The following STAG2 variants were observed in gnomAD, a reference collection of about 807,000 sequenced individuals.
STAG2 encodes STAG2 cohesin complex component.
STAG2 carries 14 observed loss-of-function variants against 108.1 expected under a neutral mutation model. The observed-to-expected ratio is 0.13, with a 90% CI of 0.09 to 0.20. STAG2 has a LOEUF of 0.20. Among genes scored for constraint, STAG2 ranks in the 10% least tolerant of loss-of-function variants. The pLI, the probability that STAG2 is intolerant of heterozygous loss-of-function variation, is 1.00. For synonymous variants in STAG2, 307 were observed against 302.7 expected (o/e 1.01, Z -0.15); for missense variants, 440 against 940.9 (o/e 0.47, Z 6.96).
rs56052834 is a variant in STAG2 at position 124,028,794 on chromosome X, T to TTA, written c.124-2139_124-2138dup. ...ACTGTCCAGGAGCTCTAAGAATAGT[T>TTA]TATATATATATATATATATATATAT... On this transcript the variant is annotated intron_variant, in intron 4 of 34. Coordinates refer to ENST00000371145, the MANE Select transcript of STAG2 (RefSeq NM_001042750.2). 3.1e-3 allele frequency among the ~76,000 whole-genome samples: 231 copies of TTA among 75,026 alleles called. 4 individuals carry two copies. The highest frequency in any genetic ancestry group is 0.012 in the African/African-American group (203 of 17,102). 65.2% of individuals were successfully genotyped at this position (75,026 alleles called of 115,157 possible).
At chrX:124,016,677 A>G (rs2056742493) in intron 1 of STAG2, among the ~76,000 whole-genome samples, 1 of 111,434 alleles carries the variant, frequency 9.0e-6, no homozygotes, top group African/African-American at 3.3e-5. Flanking sequence ...TTAAAATTAT[A>G]TGTACCTGTC....
At chrX:124,026,399 TA>T (rs2057106202) in intron 4 of STAG2, among the ~76,000 whole-genome samples, 1 of 111,464 alleles carries the variant, frequency 9.0e-6, no homozygotes, top group Non-Finnish European at 1.9e-5. Flanking sequence ...ATTACAAAGT[TA>T]AGTTCTGAGT....
intron 1 of STAG2, among the ~76,000 whole-genome samples, chrX:124,010,156 T>C (rs1471570260): frequency 9.0e-6 from 1 of 111,585 alleles, no homozygotes; most frequent in South Asian, 3.7e-4. Context: ...ACAACAACAT[T>C]TACCATTTAA....
At chrX:124,030,891 T>A in intron 4 of STAG2, 70 bp from the exon 5 acceptor site, 2 of 1,048,219 alleles carry the variant, frequency 1.9e-6, no homozygotes, top group Non-Finnish European at 2.5e-6. Flanking sequence ...ATCAGCTACT[T>A]CTACTGTAGC....
At chrX:124,074,907 G>A in intron 25 of STAG2, among the ~76,000 whole-genome samples, 1 of 112,228 alleles carries the variant, frequency 8.9e-6, no homozygotes, top group South Asian at 3.7e-4. Context: ...TGTAGAAATT[G>A]TCCATTATAG....
At chrX:124,093,896 T>C in intron 32 of STAG2, 122 bp from the exon 33 acceptor site, 1 of 758,077 alleles carries the variant, frequency 1.3e-6, no homozygotes, top group Non-Finnish European at 1.9e-6. Flanking sequence ...CTAATCATTC[T>C]CCCTGACCTT....
intron 5 of STAG2, among the ~76,000 whole-genome samples, chrX:124,034,316 G>A (rs1419377588): frequency 8.9e-6 from 1 of 111,827 alleles, no homozygotes. Context: ...ACAGGCACAT[G>A]CCATTGTGCC....
rs1374370833 is a variant in STAG2 at position 124,083,523 on chromosome X, A to G, written c.3027A>G (p.Lys1009=). 1 of 1,190,123 alleles carries G rather than the reference A, an allele frequency of 8.4e-7. No homozygotes were observed. Among genetic ancestry groups the G allele is most frequent in the Non-Finnish European group, 1.1e-6 (1 of 884,140 alleles). ...ATATTCTGAGTGAATTTTCTTCTAA[A>G]CTACTTCGACAAGACAAAAGAACAG... ...FLDILSEFSS[K]LLRQDKRTVY... The change falls in exon 29 of 35, where the codon AAA becomes AAG. Residue 1009 remains lysine (K), a synonymous_variant. Coordinates refer to ENST00000371145, the MANE Select transcript of STAG2 (RefSeq NM_001042750.2).
intron 1 of STAG2, among the ~76,000 whole-genome samples, chrX:123,982,464 C>T (rs1303355445): frequency 2.7e-5 from 3 of 111,955 alleles, no homozygotes; most frequent in African/African-American, 9.7e-5. Context: ...AACTTTCGCA[C>T]CACTGCAACC....
chrX:124,030,498 T>C (rs1040597125), intron 4 of STAG2, among the ~76,000 whole-genome samples: 3 of 112,278 alleles, frequency 2.7e-5, no homozygotes, highest in Non-Finnish European at 5.6e-5. Flanking sequence ...TAACATAATT[T>C]TTTCATTTTA....
chrX:124,018,441 A>G (rs899196824), intron 1 of STAG2, among the ~76,000 whole-genome samples: 3 of 93,762 alleles, frequency 3.2e-5, no homozygotes, highest in Admixed American at 2.5e-4. Flanking sequence ...TGTGGGGGAA[A>G]CACATTGGAT....
intron 1 of STAG2, among the ~76,000 whole-genome samples, chrX:123,967,792 A>G (rs1349341958): frequency 9.0e-6 from 1 of 111,342 alleles, no homozygotes; most frequent in Non-Finnish European, 1.9e-5. Flanking sequence ...GTTATAATAC[A>G]GTGGTAAGTA....
intron 8 of STAG2, 145 bp downstream of exon 8, chrX:124,045,513 C>T (rs1008381728): frequency 8.0e-6 from 4 of 498,124 alleles, no homozygotes; most frequent in Non-Finnish European, 1.3e-5. Flanking sequence ...ATCCCTCCTG[C>T]GAATTCCTGG....
intron 1 of STAG2, among the ~76,000 whole-genome samples, chrX:124,014,289 C>T (rs754099797): frequency 2.9e-4 from 32 of 111,891 alleles, no homozygotes; most frequent in African/African-American, 1.0e-3. Flanking sequence ...TAGGCCTGTT[C>T]AGTTTGTCTA....
chrX:123,977,411 G>T, intron 1 of STAG2, among the ~76,000 whole-genome samples: 1 of 109,568 alleles, frequency 9.1e-6, no homozygotes, highest in Middle Eastern at 4.7e-3. Flanking sequence ...TTGTGTTTTG[G>T]TTTTCATATT....
intron 20 of STAG2, among the ~76,000 whole-genome samples, chrX:124,064,661 C>T (rs1009598396): frequency 9.0e-6 from 1 of 110,766 alleles, no homozygotes; most frequent in African/African-American, 3.3e-5. Context: ...CCAGGCTGGT[C>T]TCGAATTCCT....
At chrX:124,056,283 C>A in intron 14 of STAG2, 48 bp downstream of exon 14, 1 of 914,698 alleles carries the variant, frequency 1.1e-6, no homozygotes, top group Non-Finnish European at 1.6e-6. Context: ...ACTTTCATAA[C>A]AGTAATTTGT....
chrX:124,047,964 G>A (rs1366603802), intron 9 of STAG2, among the ~76,000 whole-genome samples: 5 of 112,240 alleles, frequency 4.5e-5, no homozygotes. Context: ...TCTGAATGAG[G>A]AAAATAATTT....
In STAG2 at chrX:123,984,670, G is replaced by A. The variant is rs766331998; in HGVS notation, c.-163+22814G>A. ...TTTAATTTAAATTTTTTTTTGAGGT[G>A]AGGTCTCACTCTGTCACCGAGGCTG... On this transcript the variant is annotated intron_variant, in intron 1 of 34. Coordinates refer to ENST00000371145, the MANE Select transcript of STAG2 (RefSeq NM_001042750.2). Among the ~76,000 whole-genome samples, 4 of 111,070 alleles carry A rather than the reference G, an allele frequency of 3.6e-5. No individual in the cohort carries two copies. The South Asian group carries it at 1.5e-3, about 42-fold the overall frequency.
Sources: gnomAD v4.1 joint callset for allele counts (sites outside exome capture counted in the v4.1 genomes callset) on GRCh38, gnomAD v4.1.1 for gene constraint, MANE v1.5 for transcripts, NCBI Gene and HGNC (gene_info 2026-07-23, HGNC 2026-07-21) for gene names.